Variants in MSRB2 observed in about 807,000 individuals in gnomAD.
MSRB2 encodes methionine-R-sulfoxide reductase B2, mitochondrial.
In MSRB2, 17 loss-of-function variants were observed where a neutral mutation model predicts 19.0. The ratio of observed to expected loss-of-function variants is 0.89; its 90% confidence interval spans 0.61 to 1.34. The LOEUF (loss-of-function observed/expected upper bound fraction) is 1.34, where lower values mean the gene tolerates loss of function less well. MSRB2 is among the 40% of genes most tolerant of loss of function. The probability of loss-of-function intolerance (pLI) is 0.00; values close to 1 mark genes in which losing one functional copy is unlikely to be tolerated. For synonymous variants in MSRB2, 107 were observed against 99.7 expected, an observed-to-expected ratio of 1.07 and a Z score of -0.44; for missense variants, 208 against 237.6, an observed-to-expected ratio of 0.88 and a Z score of 0.82.
intron 2 of MSRB2, among the ~76,000 whole-genome samples, chr10:23,105,188 A>ATT (rs1839972090): frequency 6.8e-6 from 1 of 147,668 alleles, no homozygotes; most frequent in African/African-American, 2.6e-5. Context: ...ACAGTGCTAC[A>ATT]TTTATCTCTC....
chr10:23,096,352 C>CTGTCTGTGTGTGTGTG, intron 1 of MSRB2, among the ~76,000 whole-genome samples: 1 of 142,832 alleles, frequency 7.0e-6, no homozygotes, highest in East Asian at 2.0e-4. Flanking sequence ...CTCTCTCTCT[C>CTGTCTGTGTGTGTGTG]TGTGTGTGTG....
Position 23,121,176 on chromosome 10 carries a change from GT to G in MSRB2, c.*317del, listed in dbSNP as rs1411462949. On this transcript the variant is annotated 3_prime_UTR_variant, in exon 5 of 5. Coordinates refer to ENST00000376510, the MANE Select transcript of MSRB2 (RefSeq NM_012228.4). ...ACTGAGTAACTTATAAAGAAAAGAG[GT>G]TTAATTGACTCACAGTTCTGCAGGG... 5.1e-5 allele frequency: 14 copies of G among 274,604 alleles called. No homozygotes were observed. In the South Asian group the frequency reaches 9.9e-4, roughly 19 times the overall value. 17.0% of individuals were successfully genotyped at this position (274,604 alleles called of 1,614,324 possible).
chr10:23,099,221 C>T (rs1175581528), intron 1 of MSRB2, among the ~76,000 whole-genome samples: 1 of 152,214 alleles, frequency 6.6e-6, no homozygotes, highest in Non-Finnish European at 1.5e-5. Context: ...AAAGAAACCT[C>T]TTAAAGTGAT....
rs531352595 is a variant in MSRB2, at chr10:23,096,324, G to T, written c.118+598G>T. Among the ~76,000 whole-genome samples, 3 of 127,960 alleles carry T rather than the reference G, an allele frequency of 2.3e-5. No homozygotes were observed. In the South Asian group the frequency reaches 7.5e-4, roughly 32 times the overall value. 83.9% of individuals were successfully genotyped at this position (127,960 alleles called of 152,430 possible). ...ATGACTGAGACAGAGACCAGGGCGA[G>T]CCTGTGTGTGTGTGTCTCTCTCTCT... is the stretch of plus-strand genomic sequence containing the variant. On this transcript the variant is annotated intron_variant, in intron 1 of 4. Transcript: ENST00000376510.
rs1176939785 is a variant in MSRB2 at position 23,121,428 on chromosome 10, C to G, written c.*566C>G. 6.6e-6 allele frequency: 1 copy of G among 152,292 alleles called. No homozygotes were observed. The highest frequency in any genetic ancestry group is 1.5e-5 in the Non-Finnish European group (1 of 68,150). 9.4% of individuals were successfully genotyped at this position (152,292 alleles called of 1,614,324 possible). On this transcript the variant is annotated 3_prime_UTR_variant, in exon 5 of 5. Transcript: ENST00000376510. ...CCATGAGGGATCCACCCTCATGACC[C>G]AGTTACCTCCCGGCAGGGCCCACCT... is the stretch of plus-strand genomic sequence containing the variant.
chr10:23,102,234 T>C (rs544147024), intron 1 of MSRB2, among the ~76,000 whole-genome samples: 16 of 152,188 alleles, frequency 1.1e-4, no homozygotes, highest in Admixed American at 3.9e-4. Context: ...GCAGACATCA[T>C]GACACTTTAC....
intron 3 of MSRB2, 156 bp from the exon 4 acceptor site, chr10:23,119,148 G>A (rs778901119): frequency 4.4e-6 from 4 of 918,410 alleles, no homozygotes; most frequent in African/African-American, 3.2e-5. Flanking sequence ...CAGTGAGGAC[G>A]ATTCCGGGGG....
chr10:23,106,753 C>G (rs1005527634), intron 2 of MSRB2, among the ~76,000 whole-genome samples: 16 of 152,328 alleles, frequency 1.1e-4, no homozygotes, highest in African/African-American at 3.8e-4. Flanking sequence ...TCCCACAGGC[C>G]TAGTGGAGGC....
At position 23,115,542 on chromosome 10, in the gene MSRB2, G is replaced by A. The variant is rs950524155; in HGVS notation, c.297-3762G>A. Among the ~76,000 whole-genome samples the A allele has an allele frequency of 5.9e-5, 9 of 152,290 alleles. No homozygotes were observed. In the South Asian group the frequency reaches 8.3e-4, roughly 14 times the overall value. ...CCAAGTGCCTGTGCTGTTGGTTTGG[G>A]ACCTGTAGAACTTCCAGAAATCAAG... On this transcript the variant is annotated intron_variant, in intron 3 of 4. Transcript: ENST00000376510.
intron 3 of MSRB2, among the ~76,000 whole-genome samples, chr10:23,113,731 A>C (rs1331886525): frequency 6.6e-6 from 1 of 152,176 alleles, no homozygotes; most frequent in Non-Finnish European, 1.5e-5. Flanking sequence ...CCTTATAAGA[A>C]GAAGAGAAGC....
intron 2 of MSRB2, among the ~76,000 whole-genome samples, chr10:23,108,118 C>A (rs114602366): frequency 1.8e-4 from 27 of 152,024 alleles, no homozygotes; most frequent in African/African-American, 5.3e-4. Flanking sequence ...CCACTACACC[C>A]GGCTAATATT....
rs369127207 is a variant in MSRB2 at position 23,116,421 on chromosome 10, T to C, written c.297-2883T>C. Among the ~76,000 whole-genome samples, 18 of 152,270 alleles carry C rather than the reference T, an allele frequency of 1.2e-4. 1 individual carries two copies. The South Asian group carries it at 2.3e-3, about 19-fold the overall frequency. The stretch of plus-strand genomic sequence containing the variant: ...ATTTAACAGATCACAGAAGGGGCTA[T>C]GAAAATTTGTGAAGATGGTCCTGAC... On this transcript the variant is annotated intron_variant, in intron 3 of 4. Transcript: ENST00000376510.
At chr10:23,108,600 T>C (rs766587431) in intron 2 of MSRB2, among the ~76,000 whole-genome samples, 168 of 151,520 alleles carry the variant, frequency 1.1e-3, no homozygotes, top group African/African-American at 4.0e-3. Context: ...CTCAGCCTCC[T>C]GAATAGCTGG....
At position 23,119,310 on chromosome 10, in the gene MSRB2, G is replaced by T. The variant is rs1840153764; in HGVS notation, c.303G>T (p.Glu101Asp). Residue 101 changes from glutamate to aspartate, a missense_variant, in exon 4 of 5, where the codon GAG becomes GAT. Coordinates refer to ENST00000376510, the MANE Select transcript of MSRB2 (RefSeq NM_012228.4). ...TCGTTTATGTCTTCCACAGTTCTGA[G>T]AAAAAGTACTGCTCTGGCACTGGGT... ...VCCDSPLFSS[E>D]KKYCSGTGWP... 1 of 1,613,820 alleles carries T rather than the reference G, an allele frequency of 6.2e-7. No individual in the cohort carries two copies. Among genetic ancestry groups the T allele is most frequent in the Middle Eastern group, 1.6e-4 (1 of 6,076 alleles).
At chr10:23,119,126 A>G in intron 3 of MSRB2, 178 bp from the exon 4 acceptor site, 2 of 749,850 alleles carry the variant, frequency 2.7e-6, no homozygotes, top group Non-Finnish European at 4.7e-6. Context: ...AATGGCTTCG[A>G]TAGTGAAGGT....
chr10:23,118,342 T>G (rs1464559437), intron 3 of MSRB2, among the ~76,000 whole-genome samples: 4 of 148,748 alleles, frequency 2.7e-5, no homozygotes, highest in Non-Finnish European at 6.0e-5. Flanking sequence ...TTTTTGTTTT[T>G]TTTTTTTTTT....
At chr10:23,112,847 G>T (rs1375817244) in intron 3 of MSRB2, among the ~76,000 whole-genome samples, 1 of 152,220 alleles carries the variant, frequency 6.6e-6, no homozygotes, top group Non-Finnish European at 1.5e-5. Context: ...GCCTCCCAAA[G>T]TGCTGGGATT....
chr10:23,120,283 A>G lies in MSRB2; in HGVS notation c.445-475A>G, dbSNP rs79257372. On this transcript the variant is annotated intron_variant, in intron 4 of 4. Coordinates refer to ENST00000376510, the MANE Select transcript of MSRB2 (RefSeq NM_012228.4). ...AAATCCAGATCACAAATTCATTTTG[A>G]TATCCTTAGCTGCTCACATTTTCTG... Among the ~76,000 whole-genome samples the G allele has an allele frequency of 3.1e-3, 472 of 152,322 alleles. 3 individuals carry two copies. Among genetic ancestry groups the G allele is most frequent in the African/African-American group, 0.011 (455 of 41,566 alleles).
chr10:23,114,011 C>T (rs891364933), intron 3 of MSRB2, among the ~76,000 whole-genome samples: 27 of 152,114 alleles, frequency 1.8e-4, no homozygotes, highest in Non-Finnish European at 3.2e-4. Flanking sequence ...TTAATAATAT[C>T]CATCCTGCTG....
Sources: gnomAD v4.1 joint callset for allele counts (sites outside exome capture counted in the v4.1 genomes callset) on GRCh38, gnomAD v4.1.1 for gene constraint, MANE v1.5 for transcripts, NCBI Gene and HGNC (gene_info 2026-07-23, HGNC 2026-07-21) for gene names.